STPG2: variants seen among roughly 807,000 people sequenced by gnomAD.
The protein encoded by STPG2 is sperm tail PG-rich repeat containing 2, also known as sperm-tail PG-rich repeat-containing protein 2.
Under a neutral mutation model 54.2 loss-of-function variants are expected in STPG2, and 56 were observed. The ratio of observed to expected loss-of-function variants is 1.03; its 90% confidence interval spans 0.83 to 1.29. STPG2 has a LOEUF of 1.29. Among genes scored for constraint, STPG2 ranks in the 50% most tolerant of loss-of-function variants. STPG2 has a pLI of 0.00. For missense variants in STPG2, 596 were observed against 544.9 expected, an observed-to-expected ratio of 1.09 and a Z score of -0.93; for synonymous variants, 200 against 181.8, an observed-to-expected ratio of 1.10 and a Z score of -0.81.
chr4:97,996,226 A>C (rs189595891), intron 5 of STPG2, among the ~76,000 whole-genome samples: 1 of 152,346 alleles, frequency 6.6e-6, no homozygotes, highest in East Asian at 1.9e-4. Flanking sequence ...ACAGCATGGT[A>C]CTGGTACAGA....
intron 9 of STPG2, among the ~76,000 whole-genome samples, chr4:97,762,638 T>C (rs1470870487): frequency 2.0e-5 from 3 of 152,050 alleles, no homozygotes; most frequent in East Asian, 1.9e-4. Flanking sequence ...GAAAAGAAAA[T>C]CAAAGCTATT....
chr4:97,620,832 T>C (rs1733992220), intron 10 of STPG2, among the ~76,000 whole-genome samples: 1 of 152,116 alleles, frequency 6.6e-6, no homozygotes, highest in African/African-American at 2.4e-5. Context: ...AGAATATACA[T>C]TCTCTCATCA....
At chr4:97,575,875 CT>C (rs1560668797) in intron 10 of STPG2, among the ~76,000 whole-genome samples, 1 of 152,146 alleles carries the variant, frequency 6.6e-6, no homozygotes, top group African/African-American at 2.4e-5. Context: ...CCTAATGGCT[CT>C]GCCAAAGAGC....
chr4:97,655,275 G>C (rs2148956736), intron 10 of STPG2, among the ~76,000 whole-genome samples: 1 of 152,138 alleles, frequency 6.6e-6, no homozygotes, highest in African/African-American at 2.4e-5. Context: ...TATATTATCT[G>C]ATAGTACTAC....
At chr4:97,539,736 T>C (rs1004216189) in intron 4 of STPG2, among the ~76,000 whole-genome samples, 2 of 152,092 alleles carry the variant, frequency 1.3e-5, no homozygotes, top group Non-Finnish European at 2.9e-5. Flanking sequence ...CCACCACAAA[T>C]CAACAGAATA....
chr4:97,556,341 C>G (rs1445216439), downstream of STPG2, among the ~76,000 whole-genome samples: 1 of 152,122 alleles, frequency 6.6e-6, no homozygotes. Flanking sequence ...TCTTCCTAAT[C>G]ATAATCATCT....
At chr4:97,565,359 C>T (rs1032793939) in intron 10 of STPG2, among the ~76,000 whole-genome samples, 1 of 152,138 alleles carries the variant, frequency 6.6e-6, no homozygotes, top group Non-Finnish European at 1.5e-5. Flanking sequence ...AAGTTTTCAA[C>T]TTCTTTTCCC....
chr4:97,652,472 A>G (rs1348791511), intron 10 of STPG2, among the ~76,000 whole-genome samples: 1 of 151,876 alleles, frequency 6.6e-6, no homozygotes, highest in East Asian at 1.9e-4. Context: ...TACAAAAAAA[A>G]GTACTACAAT....
chr4:97,896,971 A>G (rs1292341130), intron 8 of STPG2, among the ~76,000 whole-genome samples: 1 of 151,910 alleles, frequency 6.6e-6, no homozygotes, highest in Non-Finnish European at 1.5e-5. Context: ...AAGCTGTGTC[A>G]TGAGGGTTTG....
At chr4:98,039,685 T>C (rs192745928) in intron 5 of STPG2, among the ~76,000 whole-genome samples, 3 of 123,354 alleles carry the variant, frequency 2.4e-5, no homozygotes, top group Admixed American at 1.5e-4. Context: ...ATGTGATACA[T>C]ATATATATAT....
chr4:97,911,145 C>T (rs928049688), intron 8 of STPG2, among the ~76,000 whole-genome samples: 1 of 152,212 alleles, frequency 6.6e-6, no homozygotes, highest in Non-Finnish European at 1.5e-5. Flanking sequence ...ATCTTTGCAA[C>T]CCACGAATAA....
chr4:97,839,395 C>T (rs899269321), intron 9 of STPG2, among the ~76,000 whole-genome samples: 1 of 151,366 alleles, frequency 6.6e-6, no homozygotes, highest in Non-Finnish European at 1.5e-5. Flanking sequence ...TGCATTCCAT[C>T]GGTAAGAATT....
intron 9 of STPG2, among the ~76,000 whole-genome samples, chr4:97,748,770 A>G (rs373726962): frequency 6.6e-6 from 1 of 151,728 alleles, no homozygotes; most frequent in African/African-American, 2.4e-5. Context: ...GACACAAAAT[A>G]GTATTCTAAT....
intron 10 of STPG2, among the ~76,000 whole-genome samples, chr4:97,696,015 C>T (rs1723559135): frequency 1.3e-5 from 2 of 151,816 alleles, no homozygotes; most frequent in Non-Finnish European, 2.9e-5. Flanking sequence ...GAAAAAAAAA[C>T]CTAAATTTCA....
At chr4:97,986,108 T>G (rs1414485256) in intron 5 of STPG2, among the ~76,000 whole-genome samples, 1 of 152,182 alleles carries the variant, frequency 6.6e-6, no homozygotes, top group Non-Finnish European at 1.5e-5. Flanking sequence ...TCTAGCCCAT[T>G]AAAAATCATG....
chr4:97,867,065 C>T (rs537657273), intron 8 of STPG2, among the ~76,000 whole-genome samples: 84 of 152,044 alleles, frequency 5.5e-4, no homozygotes, highest in Admixed American at 3.0e-3. Flanking sequence ...TGAGGAGTAG[C>T]TTTGGGTGCA....
intron 9 of STPG2, among the ~76,000 whole-genome samples, chr4:97,837,996 A>G (rs1017540169): frequency 1.3e-5 from 2 of 151,580 alleles, no homozygotes; most frequent in Admixed American, 6.6e-5. Context: ...TTTAAGTTCA[A>G]TGAGGCACAG....
intron 4 of STPG2, among the ~76,000 whole-genome samples, chr4:97,449,411 C>G (rs753750270): frequency 4.6e-5 from 7 of 152,136 alleles, no homozygotes; most frequent in Non-Finnish European, 7.4e-5. Flanking sequence ...TTTCCATTCA[C>G]CATTCAACAT....
intron 9 of STPG2, among the ~76,000 whole-genome samples, chr4:97,780,765 G>A (rs1206085022): frequency 6.6e-6 from 1 of 151,928 alleles, no homozygotes; most frequent in Non-Finnish European, 1.5e-5. Context: ...CTAGAACTCA[G>A]GATTAAGAAA....
Sources: allele counts gnomAD v4.1 joint callset (sites outside exome capture counted in the v4.1 genomes callset), GRCh38; gene constraint gnomAD v4.1.1; transcripts MANE v1.5; gene names NCBI Gene and HGNC (gene_info 2026-07-23, HGNC 2026-07-21).